Variants in CAPRIN1 observed in about 807,000 individuals in gnomAD.
CAPRIN1 encodes cell cycle associated protein 1, also known as caprin-1.
A neutral mutation model predicts 100.9 loss-of-function variants in CAPRIN1; 29 were observed. The ratio of observed to expected loss-of-function variants is 0.29; its 90% CI spans 0.21 to 0.39. CAPRIN1 has a LOEUF of 0.39. CAPRIN1 is among the 10% of genes least tolerant of loss of function. The pLI, the probability that CAPRIN1 is intolerant of heterozygous loss-of-function variation, is 1.00. For synonymous variants in CAPRIN1, 338 were observed against 307.5 expected, an observed-to-expected ratio of 1.10 and a Z score of -1.04; for missense variants, 795 against 876.7, an observed-to-expected ratio of 0.91 and a Z score of 1.18.
intron 2 of CAPRIN1, among the ~76,000 whole-genome samples, chr11:34,067,086 C>G (rs1274088608): frequency 6.6e-6 from 1 of 152,062 alleles, no homozygotes; most frequent in Admixed American, 6.6e-5. Flanking sequence ...CATGCCACCA[C>G]GCCCAGCTAA....
chr11:34,083,882 G>A (rs113571658), intron 9 of CAPRIN1, among the ~76,000 whole-genome samples: 15,527 of 151,992 alleles, frequency 0.1, 861 homozygotes, highest in African/African-American at 0.15. Flanking sequence ...AGCCTGGCCA[G>A]CATGGTGAAA....
At chr11:34,095,597 G>A (rs191145912) in intron 15 of CAPRIN1, among the ~76,000 whole-genome samples, 18 of 152,230 alleles carry the variant, frequency 1.2e-4, no homozygotes, top group Admixed American at 9.8e-4. Flanking sequence ...CCCAAAAGGG[G>A]AGATTTGGGT....
intron 4 of CAPRIN1, 97 bp from the exon 5 acceptor site, chr11:34,076,139 T>C (rs1304581745): frequency 1.0e-5 from 8 of 764,552 alleles, no homozygotes; most frequent in African/African-American, 3.5e-5. Flanking sequence ...ATCTCACTCA[T>C]TGAGTAAAAC....
At chr11:34,052,225 G>A in intron 1 of CAPRIN1, 196 bp from the exon 2 acceptor site, 1 of 187,054 alleles carries the variant, frequency 5.3e-6, no homozygotes. Context: ...AGGCCCAGCC[G>A]GGCGCCCCGC....
chr11:34,089,602 A>C (rs556350366), intron 12 of CAPRIN1, 146 bp downstream of exon 12: 1 of 384,408 alleles, frequency 2.6e-6, no homozygotes, highest in Admixed American at 4.4e-5. Context: ...CACCATCTCT[A>C]TTTTAAAAAA....
At chr11:34,084,265 T>C (rs945566017) in intron 9 of CAPRIN1, among the ~76,000 whole-genome samples, 1 of 152,060 alleles carries the variant, frequency 6.6e-6, no homozygotes, top group African/African-American at 2.4e-5. Context: ...ATAGATGTTA[T>C]AATTGTGCCA....
rs748779907 is a variant in CAPRIN1 at position 34,090,521 on chromosome 11, G to A, written c.1405-8G>A. On this transcript the variant is annotated splice_region_variant and splice_polypyrimidine_tract_variant and intron_variant, in intron 13 of 18. Transcript: ENST00000341394. ...CCGCTAAAGTGCATCTATTCACTTTGTGTTTAGGCAACAATCTCTTTAAAT... is the reference window on the plus strand; with the variant it reads ...CCGCTAAAGTGCATCTATTCACTTTATGTTTAGGCAACAATCTCTTTAAAT... 2 of 1,609,266 alleles carry A rather than the reference G, an allele frequency of 1.2e-6. No individual in the cohort carries two copies. The highest frequency in any genetic ancestry group is 1.7e-5 in the Admixed American group (1 of 59,856).
chr11:34,068,492 C>T (rs112683897), intron 2 of CAPRIN1, among the ~76,000 whole-genome samples: 2,392 of 152,182 alleles, frequency 0.016, 65 homozygotes, highest in African/African-American at 0.054. Flanking sequence ...CGATAGCTCT[C>T]GGTTTGGATG....
intron 11 of CAPRIN1, among the ~76,000 whole-genome samples, chr11:34,088,725 G>T (rs1332510053): frequency 6.6e-6 from 1 of 152,130 alleles, no homozygotes; most frequent in Admixed American, 6.5e-5. Context: ...TCTAGAGTAT[G>T]AATAATGCCA....
chr11:34,084,992 C>T (rs755973652), intron 9 of CAPRIN1, among the ~76,000 whole-genome samples: 43 of 151,692 alleles, frequency 2.8e-4, no homozygotes, highest in African/African-American at 7.3e-4. Flanking sequence ...TGAGATTCCA[C>T]GAATTTTTGG....
chr11:34,062,275 C>G (rs1178424179), intron 2 of CAPRIN1, among the ~76,000 whole-genome samples: 1 of 152,102 alleles, frequency 6.6e-6, no homozygotes, highest in Admixed American at 6.6e-5. Flanking sequence ...TCGTAATTGT[C>G]TAAGTGAAGA....
At chr11:34,057,894 A>G (rs1275830298) in intron 2 of CAPRIN1, among the ~76,000 whole-genome samples, 1 of 147,546 alleles carries the variant, frequency 6.8e-6, no homozygotes, top group East Asian at 2.1e-4. Context: ...AATTTTTTAT[A>G]TTTTTAGTAG....
intron 6 of CAPRIN1, among the ~76,000 whole-genome samples, chr11:34,079,261 G>T (rs747159844): frequency 6.6e-6 from 1 of 152,138 alleles, no homozygotes; most frequent in Non-Finnish European, 1.5e-5. Flanking sequence ...TTGGCTGGAC[G>T]TGGTGGTACA....
chr11:34,086,796 G>A (rs7483997), intron 11 of CAPRIN1, among the ~76,000 whole-genome samples: 15,549 of 152,210 alleles, frequency 0.1, 860 homozygotes, highest in African/African-American at 0.15. Flanking sequence ...ACTTGTAACT[G>A]TAATAGACCA....
In CAPRIN1 at chr11:34,101,700, T is replaced by G. The variant is rs1412931232; in HGVS notation, c.*2333T>G. On this transcript the variant is annotated 3_prime_UTR_variant, in exon 19 of 19. Transcript: ENST00000341394. ...CCATATTTTTAAAGGGGTGCCTCATTATGGGGCAGAGAACTTTTCAATAAG... is the reference window on the plus strand; with the variant it reads ...CCATATTTTTAAAGGGGTGCCTCATGATGGGGCAGAGAACTTTTCAATAAG... Among the ~76,000 whole-genome samples, 1 of 152,190 alleles carries G rather than the reference T, an allele frequency of 6.6e-6. No individual in the cohort carries two copies. Among genetic ancestry groups the G allele is most frequent in the African/African-American group, 2.4e-5 (1 of 41,448 alleles).
At chr11:34,093,790 AT>A (rs11291246) in intron 15 of CAPRIN1, among the ~76,000 whole-genome samples, 122,884 of 143,412 alleles carry the variant, frequency 0.86, 52,527 homozygotes, top group East Asian at 1. Flanking sequence ...TGCCTGGCTA[AT>A]TTTTTTTTTT....
chr11:34,099,417 A>G lies in CAPRIN1; in HGVS notation c.*50A>G. On this transcript the variant is annotated 3_prime_UTR_variant, in exon 19 of 19. Coordinates refer to ENST00000341394, the MANE Select transcript of CAPRIN1 (RefSeq NM_005898.5). ...TCGCCAAAAACACACTGGCCAGTGT[A>G]CCATAATATGTTACCAGAAGAGTTA... The G allele has an allele frequency of 2.1e-6, 3 of 1,397,902 alleles. No individual in the cohort carries two copies. The highest frequency in any genetic ancestry group is 3.1e-6 in the Non-Finnish European group (3 of 983,606). 86.6% of individuals were successfully genotyped at this position (1,397,902 alleles called of 1,614,324 possible).
chr11:34,091,964 A>G lies in CAPRIN1; in HGVS notation c.1613A>G (p.Gln538Arg). The G allele has an allele frequency of 6.2e-7, 1 of 1,614,064 alleles. No homozygotes were observed. Among genetic ancestry groups the G allele is most frequent in the South Asian group, 1.1e-5 (1 of 91,048 alleles). Residue 538 changes from glutamine (Q) to arginine (R), a missense_variant, in exon 15 of 19, where the codon CAA becomes CGA. Transcript: ENST00000341394. ...AATGAACCAGAAACTTTAAAACAGC[A>G]AAATCAGTACCAGGCCAGTTATAAC... ...PVNEPETLKQ[Q>R]NQYQASYNQS...
intron 14 of CAPRIN1, among the ~76,000 whole-genome samples, chr11:34,091,190 CTT>C (rs1197940239): frequency 1.1e-4 from 16 of 152,168 alleles, no homozygotes; most frequent in African/African-American, 3.1e-4. Flanking sequence ...ATTAAAATAA[CTT>C]TTGATTAATA....
Sources: gnomAD v4.1 joint callset for allele counts (sites outside exome capture counted in the v4.1 genomes callset) on GRCh38, gnomAD v4.1.1 for gene constraint, MANE v1.5 for transcripts, NCBI Gene and HGNC (gene_info 2026-07-23, HGNC 2026-07-21) for gene names.